GLI2: variants seen among roughly 807,000 people sequenced by gnomAD.
GLI2 encodes transcription activator GLI2.
GLI2 carries 22 observed loss-of-function variants against 78.9 expected under a neutral mutation model. The ratio of observed to expected loss-of-function variants is 0.28; its 90% CI spans 0.20 to 0.40. GLI2 has a LOEUF of 0.40. Among genes scored for constraint, GLI2 ranks in the 10% least tolerant of loss-of-function variants. The pLI is 1.00. For synonymous variants in GLI2, 974 were observed against 963.7 expected, an observed-to-expected ratio of 1.01 and a Z score of -0.20; for missense variants, 2,097 against 2,213.2, an observed-to-expected ratio of 0.95 and a Z score of 1.05.
At chr2:120,829,973 G>C (rs1686277451) in intron 2 of GLI2, among the ~76,000 whole-genome samples, 1 of 152,248 alleles carries the variant, frequency 6.6e-6, no homozygotes, top group Non-Finnish European at 1.5e-5. Flanking sequence ...GCGTGTGTGT[G>C]TGTGTATATA....
chr2:120,738,061 G>A (rs537410682), intron 1 of GLI2, among the ~76,000 whole-genome samples: 3 of 152,364 alleles, frequency 2.0e-5, no homozygotes, highest in African/African-American at 7.2e-5. Context: ...CGGCTTTGCA[G>A]TTGCTTGTTT....
At position 120,988,927 on chromosome 2, in the gene GLI2, C is replaced by A. The variant is rs1683129265; in HGVS notation, c.2962C>A (p.Arg988=). Residue 988 remains arginine (R), a synonymous_variant, in exon 14 of 14, where the codon CGA becomes AGA. Transcript: ENST00000361492. ...CCCGCTGCCGCCCTGTGCCGACAGG[C>A]GAGGCCTCCGCCTGCAGAGCCACCC... ...PGPLPPCADR[R]GLRLQSHPST... is the part of the protein sequence containing the mutation. The A allele has an allele frequency of 6.6e-7, 1 of 1,523,848 alleles. No homozygotes were observed. The highest frequency in any genetic ancestry group is 8.8e-7 in the Non-Finnish European group (1 of 1,139,448). The allele number at this position is 1,523,848 out of a possible 1,614,324, so 94.4% of individuals were successfully genotyped here. A position where few individuals can be genotyped will look rare whatever the true frequency, so the allele number is the denominator to read the frequency against.
chr2:120,807,141 G>A (rs1293910721), intron 2 of GLI2, among the ~76,000 whole-genome samples: 1 of 152,182 alleles, frequency 6.6e-6, no homozygotes, highest in African/African-American at 2.4e-5. Context: ...AAGTGTGGCA[G>A]GGCTTGGGCA....
At chr2:120,806,467 G>A (rs1336384099) in intron 2 of GLI2, among the ~76,000 whole-genome samples, 2 of 152,142 alleles carry the variant, frequency 1.3e-5, no homozygotes, top group East Asian at 3.9e-4. Flanking sequence ...GTCTGAGCCT[G>A]GGGACATTCG....
At chr2:120,889,500 A>C (rs1413835840) in intron 2 of GLI2, among the ~76,000 whole-genome samples, 1 of 152,236 alleles carries the variant, frequency 6.6e-6, no homozygotes, top group Non-Finnish European at 1.5e-5. Context: ...CCTCGCCAAA[A>C]TCAAAAATTT....
chr2:120,978,073 G>T (rs1468426939), intron 9 of GLI2, among the ~76,000 whole-genome samples: 1 of 152,222 alleles, frequency 6.6e-6, no homozygotes, highest in East Asian at 1.9e-4. Context: ...AGCCCAGGCT[G>T]CGGTGCACAG....
At chr2:120,754,307 C>T (rs757595814) in intron 1 of GLI2, among the ~76,000 whole-genome samples, 1 of 152,036 alleles carries the variant, frequency 6.6e-6, no homozygotes, top group Non-Finnish European at 1.5e-5. Flanking sequence ...TATGTTTCAG[C>T]GGAGTTTTTT....
chr2:120,862,835 A>C (rs1687966065), intron 2 of GLI2, among the ~76,000 whole-genome samples: 1 of 152,240 alleles, frequency 6.6e-6, no homozygotes, highest in African/African-American at 2.4e-5. Flanking sequence ...CAGCCTGCTC[A>C]GACCTCCAGC....
At chr2:120,770,526 T>C (rs927485199) in intron 1 of GLI2, among the ~76,000 whole-genome samples, 1 of 152,216 alleles carries the variant, frequency 6.6e-6, no homozygotes, top group African/African-American at 2.4e-5. Context: ...GGGAAGGTGC[T>C]CTGTATTTGG....
chr2:120,975,542 A>G (rs1052614686), intron 9 of GLI2, among the ~76,000 whole-genome samples: 5 of 152,142 alleles, frequency 3.3e-5, no homozygotes, highest in Non-Finnish European at 5.9e-5. Flanking sequence ...TTCTCCCATG[A>G]AGGAAGGAGT....
intron 2 of GLI2, among the ~76,000 whole-genome samples, chr2:120,886,195 TGTGTGTGTGTGTGTGC>T (rs1306405655): frequency 0.014 from 540 of 39,982 alleles, 16 homozygotes; most frequent in Middle Eastern, 0.13. Context: ...TGTGTGTGTG[TGTGTGTGTGTGTGTGC>T]GTGTATATTT....
At chr2:120,854,524 T>C (rs954331179) in intron 2 of GLI2, among the ~76,000 whole-genome samples, 8 of 152,152 alleles carry the variant, frequency 5.3e-5, no homozygotes, top group African/African-American at 1.7e-4. Context: ...GAAATCAGGA[T>C]CCCAGAAGAA....
At chr2:120,750,605 C>A (rs1245627579) in intron 1 of GLI2, among the ~76,000 whole-genome samples, 2 of 152,248 alleles carry the variant, frequency 1.3e-5, no homozygotes, top group East Asian at 3.8e-4. Flanking sequence ...AAAAGGCAGT[C>A]TGTGTGGGCA....
chr2:120,903,018 G>A (rs901891597), intron 2 of GLI2, among the ~76,000 whole-genome samples: 2 of 152,152 alleles, frequency 1.3e-5, no homozygotes, highest in Non-Finnish European at 2.9e-5. Context: ...GAATGGCAGA[G>A]GGGGCATTTA....
At chr2:120,969,306 C>A (rs1188700134) in intron 6 of GLI2, among the ~76,000 whole-genome samples, 5 of 152,228 alleles carry the variant, frequency 3.3e-5, no homozygotes, top group African/African-American at 1.2e-4. Flanking sequence ...GGCAGCAGGC[C>A]TCCCTCTGTA....
In GLI2 at chr2:120,814,622, C is replaced by T. The variant is rs548205066; in HGVS notation, c.148+17154C>T. On this transcript the variant is annotated intron_variant, in intron 2 of 13. Transcript: ENST00000361492. ...GCAGGCAAGAGCATTACCACCTGAG[C>T]CGCACCTTCTGTCAGATCAGCAGCG... 3.3e-5 allele frequency among the ~76,000 whole-genome samples: 5 copies of T among 152,294 alleles called. No individual in the cohort carries two copies. The South Asian group carries it at 1.0e-3, about 32-fold the overall frequency.
intron 2 of GLI2, among the ~76,000 whole-genome samples, chr2:120,837,533 T>C (rs551166673): frequency 1.3e-5 from 2 of 152,286 alleles, no homozygotes; most frequent in African/African-American, 2.4e-5. Context: ...GTCGAGTGTA[T>C]GATTCTTTTC....
intron 11 of GLI2, among the ~76,000 whole-genome samples, chr2:120,983,963 G>GTGTGTT (rs1682842562): frequency 6.6e-6 from 1 of 151,678 alleles, no homozygotes; most frequent in Admixed American, 6.6e-5. Context: ...GTGTGTGTGT[G>GTGTGTT]TGTGTGTGTG....
At chr2:120,924,007 A>G (rs1679535824) in intron 2 of GLI2, among the ~76,000 whole-genome samples, 1 of 152,176 alleles carries the variant, frequency 6.6e-6, no homozygotes, top group Non-Finnish European at 1.5e-5. Context: ...CTGAATCCTG[A>G]ATCCTGAGCA....
Sources: allele counts gnomAD v4.1 joint callset (sites outside exome capture counted in the v4.1 genomes callset), GRCh38; gene constraint gnomAD v4.1.1; transcripts MANE v1.5; gene names NCBI Gene and HGNC (gene_info 2026-07-23, HGNC 2026-07-21).